The following SNX29 variants were observed in gnomAD, a reference collection of about 807,000 sequenced individuals.
SNX29 encodes the protein sorting nexin 29.
Under a neutral mutation model 102.1 loss-of-function variants are expected in SNX29, and 78 were observed. The ratio of observed to expected loss-of-function variants is 0.76; its 90% CI spans 0.64 to 0.92. The LOEUF (loss-of-function observed/expected upper bound fraction) is 0.92. Among genes scored for constraint, SNX29 ranks in the 40% least tolerant of loss-of-function variants. The probability of loss-of-function intolerance (pLI) is 0.00; values close to 1 mark genes in which losing one functional copy is unlikely to be tolerated. For missense variants in SNX29, 1,280 were observed against 1,061.7 expected, an observed-to-expected ratio of 1.21 and a Z score of -2.86; for synonymous variants, 580 against 414.5, an observed-to-expected ratio of 1.40 and a Z score of -4.85.
At chr16:12,028,940 G>C (rs2057266261) in intron 4 of SNX29, among the ~76,000 whole-genome samples, 1 of 150,780 alleles carries the variant, frequency 6.6e-6, no homozygotes, top group African/African-American at 2.4e-5. Context: ...GTAGAGACAG[G>C]TTTCACCATG....
At chr16:12,155,141 C>T (rs1359704176) in intron 13 of SNX29, among the ~76,000 whole-genome samples, 3 of 152,152 alleles carry the variant, frequency 2.0e-5, no homozygotes, top group African/African-American at 7.2e-5. Flanking sequence ...TTGGTTGCCC[C>T]ACCACCCCTT....
chr16:12,189,978 C>A (rs189301331), intron 13 of SNX29, among the ~76,000 whole-genome samples: 1 of 152,228 alleles, frequency 6.6e-6, no homozygotes, highest in Non-Finnish European at 1.5e-5. Context: ...ATTTGTTATT[C>A]TCTTCTCCAA....
intron 15 of SNX29, among the ~76,000 whole-genome samples, chr16:12,348,859 T>C (rs751843099): frequency 6.6e-6 from 1 of 152,174 alleles, no homozygotes; most frequent in Non-Finnish European, 1.5e-5. Context: ...AGGGGAGTTG[T>C]AGGGTACAGG....
At chr16:12,314,419 G>C (rs1337156969) in intron 15 of SNX29, among the ~76,000 whole-genome samples, 1 of 152,268 alleles carries the variant, frequency 6.6e-6, no homozygotes, top group East Asian at 1.9e-4. Flanking sequence ...GAGCCAGACA[G>C]CTCAGGCTGG....
chr16:12,180,340 T>G (rs2076353923), intron 13 of SNX29, among the ~76,000 whole-genome samples: 1 of 152,224 alleles, frequency 6.6e-6, no homozygotes, highest in Non-Finnish European at 1.5e-5. Context: ...GTCATTTTTG[T>G]ATTGTCTCCA....
chr16:12,239,318 C>T (rs1209555918), intron 14 of SNX29, among the ~76,000 whole-genome samples: 4 of 152,050 alleles, frequency 2.6e-5, no homozygotes, highest in East Asian at 1.9e-4. Flanking sequence ...CTGGAGCCCA[C>T]GTCTCTAGCA....
chr16:12,462,970 G>T (rs1340020698), intron 18 of SNX29, among the ~76,000 whole-genome samples: 2 of 152,138 alleles, frequency 1.3e-5, no homozygotes, highest in Non-Finnish European at 2.9e-5. Context: ...CAGCTTGATT[G>T]CCGGAAATTA....
chr16:12,236,056 A>C (rs926038796), intron 14 of SNX29, among the ~76,000 whole-genome samples: 18 of 152,104 alleles, frequency 1.2e-4, no homozygotes, highest in African/African-American at 3.9e-4. Context: ...TGTCTCATAT[A>C]TGCTGCTCCT....
At chr16:12,506,930 C>T (rs1391395180) in intron 19 of SNX29, among the ~76,000 whole-genome samples, 1 of 151,752 alleles carries the variant, frequency 6.6e-6, no homozygotes, top group Non-Finnish European at 1.5e-5. Flanking sequence ...CTCATTTTTG[C>T]ATTCGTTTGT....
intron 3 of SNX29, among the ~76,000 whole-genome samples, chr16:12,025,978 C>T (rs1327392120): frequency 6.6e-6 from 1 of 152,120 alleles, no homozygotes; most frequent in African/African-American, 2.4e-5. Flanking sequence ...GTACGTGCCT[C>T]ATCTATATTA....
chr16:12,514,748 C>G (rs2089787093), intron 19 of SNX29, among the ~76,000 whole-genome samples: 1 of 152,040 alleles, frequency 6.6e-6, no homozygotes, highest in African/African-American at 2.4e-5. Context: ...ACCTGTAATC[C>G]CTCCTACTCG....
intron 13 of SNX29, among the ~76,000 whole-genome samples, chr16:12,156,344 T>C (rs2055549633): frequency 1.3e-5 from 2 of 152,160 alleles, no homozygotes; most frequent in African/African-American, 4.8e-5. Flanking sequence ...CGGTGAATTT[T>C]TGTATGTTTG....
chr16:12,021,268 A>G (rs1242524528), intron 3 of SNX29, among the ~76,000 whole-genome samples: 1 of 152,108 alleles, frequency 6.6e-6, no homozygotes, highest in African/African-American at 2.4e-5. Context: ...TACAAAAAAT[A>G]TAAAAATATT....
At chr16:12,398,980 G>A (rs1173459210) in intron 17 of SNX29, among the ~76,000 whole-genome samples, 1 of 152,118 alleles carries the variant, frequency 6.6e-6, no homozygotes. Context: ...TCCATGCCTT[G>A]GTCGGATTTT....
At chr16:12,520,103 C>T (rs996720448) in intron 19 of SNX29, among the ~76,000 whole-genome samples, 1 of 152,236 alleles carries the variant, frequency 6.6e-6, no homozygotes, top group Non-Finnish European at 1.5e-5. Context: ...CCACACCTCT[C>T]AGGTCACATT....
At chr16:12,370,620 G>C (rs2082648030) in intron 16 of SNX29, among the ~76,000 whole-genome samples, 1 of 152,162 alleles carries the variant, frequency 6.6e-6, no homozygotes, top group African/African-American at 2.4e-5. Flanking sequence ...AGTCACGTAG[G>C]CACTTTGGGC....
intron 13 of SNX29, among the ~76,000 whole-genome samples, chr16:12,182,040 C>T (rs976397921): frequency 1.7e-4 from 26 of 152,138 alleles, no homozygotes; most frequent in Admixed American, 1.2e-3. Context: ...TGCGCCACCA[C>T]GCCTGGTTAA....
chr16:12,560,319 A>T (rs1040341535), intron 20 of SNX29, among the ~76,000 whole-genome samples: 1 of 152,164 alleles, frequency 6.6e-6, no homozygotes, highest in African/African-American at 2.4e-5. Context: ...TCATGAAAAA[A>T]TAATGCTGGG....
At chr16:12,107,200 T>C (rs892690610) in intron 11 of SNX29, among the ~76,000 whole-genome samples, 3 of 152,174 alleles carry the variant, frequency 2.0e-5, no homozygotes, top group African/African-American at 7.2e-5. Flanking sequence ...AGGCGAGAGA[T>C]GTCTTTATTC....
Sources: allele counts gnomAD v4.1 joint callset (sites outside exome capture counted in the v4.1 genomes callset), GRCh38; gene constraint gnomAD v4.1.1; transcripts MANE v1.5; gene names NCBI Gene and HGNC (gene_info 2026-07-23, HGNC 2026-07-21).